GPC5: variants seen among roughly 807,000 people sequenced by gnomAD.
GPC5 encodes glypican-5.
GPC5 carries 47 observed loss-of-function variants against 53.9 expected under a neutral mutation model. That is an observed-to-expected ratio of 0.87 (90% confidence interval 0.69 to 1.11). GPC5 has a LOEUF of 1.11. GPC5 is among the 50% of genes most tolerant of loss of function. The probability of loss-of-function intolerance (pLI) is 0.00; values close to 1 mark genes in which losing one functional copy is unlikely to be tolerated. For synonymous variants in GPC5, 286 were observed against 263.3 expected (o/e 1.09, Z -0.84); for missense variants, 748 against 713.1 (o/e 1.05, Z -0.56).
At chr13:92,279,292 G>T (rs540405639) in intron 7 of GPC5, among the ~76,000 whole-genome samples, 4 of 151,832 alleles carry the variant, frequency 2.6e-5, no homozygotes, top group Non-Finnish European at 5.9e-5. Flanking sequence ...TATCATAAAT[G>T]GAATTTTCTT....
At chr13:91,885,871 T>C (rs1253523199) in intron 5 of GPC5, among the ~76,000 whole-genome samples, 1 of 152,224 alleles carries the variant, frequency 6.6e-6, no homozygotes, top group African/African-American at 2.4e-5. Flanking sequence ...TTCTATAGTT[T>C]CTTATGGTTT....
At chr13:91,869,024 T>G (rs542193641) in intron 5 of GPC5, among the ~76,000 whole-genome samples, 1 of 152,052 alleles carries the variant, frequency 6.6e-6, no homozygotes, top group Non-Finnish European at 1.5e-5. Flanking sequence ...AGCAATGGTG[T>G]TGTTTTTTGT....
chr13:91,739,988 C>G (rs906826485), intron 4 of GPC5, among the ~76,000 whole-genome samples: 1 of 151,188 alleles, frequency 6.6e-6, no homozygotes, highest in African/African-American at 2.5e-5. Flanking sequence ...AGAGGCTTGC[C>G]CCTTGCTTCA....
chr13:91,667,813 T>C (rs2035152746), intron 2 of GPC5, among the ~76,000 whole-genome samples: 2 of 152,120 alleles, frequency 1.3e-5, no homozygotes, highest in Admixed American at 1.3e-4. Context: ...GTGGTCTAAA[T>C]CTGTCCCACA....
intron 7 of GPC5, among the ~76,000 whole-genome samples, chr13:92,322,580 G>A (rs1204542843): frequency 6.6e-6 from 1 of 152,064 alleles, no homozygotes; most frequent in East Asian, 1.9e-4. Flanking sequence ...CTTTGCTATT[G>A]TCTATAGACG....
intron 1 of GPC5, among the ~76,000 whole-genome samples, chr13:91,443,732 T>A (rs1880601330): frequency 6.6e-6 from 1 of 152,224 alleles, no homozygotes; most frequent in Admixed American, 6.5e-5. Context: ...GTCGTTGTTT[T>A]GGGGTCTTTT....
In GPC5 at chr13:92,443,284, G is replaced by A. The variant is rs914511007; in HGVS notation, c.1561+298295G>A. On this transcript the variant is annotated intron_variant, in intron 7 of 7. Coordinates refer to ENST00000377067, the MANE Select transcript of GPC5 (RefSeq NM_004466.6). ...CCATCCATGAGGGCTCTGCCTGCAT[G>A]ACCCAAACACCTCCCACCAGGCACC... Among the ~76,000 whole-genome samples, 5 of 152,310 alleles carry A rather than the reference G, an allele frequency of 3.3e-5. No homozygotes were observed. The South Asian group carries it at 1.0e-3, about 32-fold the overall frequency.
At chr13:92,588,857 C>T (rs1021958894) in intron 7 of GPC5, among the ~76,000 whole-genome samples, 7 of 152,154 alleles carry the variant, frequency 4.6e-5, no homozygotes, top group African/African-American at 1.7e-4. Flanking sequence ...CTGCTTTGAT[C>T]TGTAAAGCAA....
intron 6 of GPC5, among the ~76,000 whole-genome samples, chr13:92,008,483 T>C (rs1403779888): frequency 6.6e-6 from 1 of 152,112 alleles, no homozygotes; most frequent in Non-Finnish European, 1.5e-5. Flanking sequence ...TTATGGGTTT[T>C]TTTTTTAGTG....
intron 7 of GPC5, among the ~76,000 whole-genome samples, chr13:92,529,996 G>A (rs1026325295): frequency 6.6e-6 from 1 of 152,156 alleles, no homozygotes; most frequent in Non-Finnish European, 1.5e-5. Flanking sequence ...AGGCGGGGGA[G>A]GATGGCTTGA....
rs568705881 is a variant in GPC5, at chr13:91,766,393, C to A, written c.1280+9973C>A. On this transcript the variant is annotated intron_variant, in intron 5 of 7. Transcript: ENST00000377067. ...TGTCGTGACTATTTAGTATTAGAAG[C>A]CTTCTCTCATTCATTATAATGCAAC... Among the ~76,000 whole-genome samples, 9 of 152,284 alleles carry A rather than the reference C, an allele frequency of 5.9e-5. 1 individual carries two copies. In the South Asian group the frequency reaches 1.7e-3, roughly 28 times the overall value.
chr13:92,375,037 A>AT (rs2043683111), intron 7 of GPC5, among the ~76,000 whole-genome samples: 1 of 152,142 alleles, frequency 6.6e-6, no homozygotes, highest in African/African-American at 2.4e-5. Context: ...GTATTTTGAC[A>AT]TGTCTGCCTG....
At chr13:92,419,512 G>A (rs1408121176) in intron 7 of GPC5, among the ~76,000 whole-genome samples, 1 of 152,108 alleles carries the variant, frequency 6.6e-6, no homozygotes, top group African/African-American at 2.4e-5. Context: ...TGTCATTTCT[G>A]AGCTACAGTT....
At chr13:92,565,616 A>G (rs534149920) in intron 7 of GPC5, among the ~76,000 whole-genome samples, 1 of 152,204 alleles carries the variant, frequency 6.6e-6, no homozygotes, top group South Asian at 2.1e-4. Flanking sequence ...TAAGACCACA[A>G]GTTTTTTCCA....
At chr13:92,834,372 C>T (rs1878154679) in intron 7 of GPC5, among the ~76,000 whole-genome samples, 1 of 151,936 alleles carries the variant, frequency 6.6e-6, no homozygotes, top group South Asian at 2.1e-4. Flanking sequence ...CTGTTTTATC[C>T]CAATGGGTAT....
intron 3 of GPC5, among the ~76,000 whole-genome samples, chr13:91,696,271 A>G (rs532486791): frequency 6.6e-6 from 1 of 152,326 alleles, no homozygotes; most frequent in Non-Finnish European, 1.5e-5. Flanking sequence ...CTGTATTTTC[A>G]AAGAGAGTGC....
chr13:92,416,737 T>G (rs568851688), intron 7 of GPC5, among the ~76,000 whole-genome samples: 26 of 152,222 alleles, frequency 1.7e-4, no homozygotes, highest in Non-Finnish European at 3.4e-4. Flanking sequence ...TAATTAAAAT[T>G]CAAAAAGTTT....
intron 5 of GPC5, among the ~76,000 whole-genome samples, chr13:91,784,726 G>GAAAAAAAAAA (rs10644468): frequency 6.3e-5 from 9 of 143,580 alleles, no homozygotes; most frequent in East Asian, 6.1e-4. Flanking sequence ...CTCCATCTCA[G>GAAAAAAAAAA]AAAAAAAAAA....
intron 7 of GPC5, among the ~76,000 whole-genome samples, chr13:92,343,022 G>A (rs61966642): frequency 0.04 from 6,062 of 152,024 alleles, 172 homozygotes; most frequent in East Asian, 0.096. Flanking sequence ...TACCATTTCC[G>A]TTAAAATAAT....
Sources: gnomAD v4.1 joint callset for allele counts (sites outside exome capture counted in the v4.1 genomes callset) on GRCh38, gnomAD v4.1.1 for gene constraint, MANE v1.5 for transcripts, NCBI Gene and HGNC (gene_info 2026-07-23, HGNC 2026-07-21) for gene names.